The following COL25A1 variants were observed in gnomAD, a reference collection of about 807,000 sequenced individuals.
COL25A1 encodes the protein collagen type XXV alpha 1 chain.
COL25A1 carries 103 observed loss-of-function variants against 128.4 expected under a neutral mutation model. That is an observed-to-expected ratio of 0.80 (90% confidence interval 0.68 to 0.94). The LOEUF (loss-of-function observed/expected upper bound fraction) is 0.94. COL25A1 is among the 40% of genes least tolerant of loss of function. COL25A1 has a pLI of 0.00. For synonymous variants in COL25A1, 279 were observed against 277.2 expected, an observed-to-expected ratio of 1.01 and a Z score of -0.06; for missense variants, 745 against 840.0, an observed-to-expected ratio of 0.89 and a Z score of 1.40.
rs1047841411 is a variant in COL25A1 at position 108,983,528 on chromosome 4, G to A, written c.439-8969C>T. On this transcript the variant is annotated intron_variant, in intron 6 of 37. Coordinates refer to ENST00000399132, the MANE Select transcript of COL25A1 (RefSeq NM_198721.4). ...GTCAGTTGGATTCTTTGCTTCATTTGCAGTAGTATTGTGTCCAGAATTGGT... is the reference window on the plus strand; with the variant it reads ...GTCAGTTGGATTCTTTGCTTCATTTACAGTAGTATTGTGTCCAGAATTGGT... Among the ~76,000 whole-genome samples the A allele has an allele frequency of 2.6e-5, 4 of 152,190 alleles. No homozygotes were observed. The East Asian group carries it at 7.7e-4, about 29-fold the overall frequency.
chr4:108,955,644 T>C (rs1213557871), intron 8 of COL25A1, among the ~76,000 whole-genome samples: 1 of 152,130 alleles, frequency 6.6e-6, no homozygotes, highest in African/African-American at 2.4e-5. Flanking sequence ...TCAGGAGCAC[T>C]TGGGCTCCAT....
At position 108,866,081 on chromosome 4, in the gene COL25A1, ACTTCCCATG is replaced by A. The variant is rs1232056839; in HGVS notation, c.1084-2703_1084-2695del. 7.2e-5 allele frequency among the ~76,000 whole-genome samples: 11 copies of A among 152,324 alleles called. No homozygotes were observed. In the South Asian group the frequency reaches 1.9e-3, roughly 26 times the overall value. ...AATAGAAACTGTTGCTGTTGCATTT[ACTTCCCATG>A]CTTAAATGCAGAAAAATATTTGATC... is the stretch of plus-strand genomic sequence containing the variant. On this transcript the variant is annotated intron_variant, in intron 20 of 37. Transcript: ENST00000399132.
chr4:109,186,204 A>T (rs1775117268), intron 3 of COL25A1, among the ~76,000 whole-genome samples: 1 of 148,610 alleles, frequency 6.7e-6, no homozygotes, highest in African/African-American at 2.5e-5. Context: ...GCTTTAGAGA[A>T]ACGACTCCAA....
At chr4:109,053,671 G>A (rs199639995) in intron 3 of COL25A1, among the ~76,000 whole-genome samples, 2 of 152,276 alleles carry the variant, frequency 1.3e-5, no homozygotes, top group African/African-American at 4.8e-5. Context: ...GAGTTTAAAC[G>A]TAATCTTTCT....
At chr4:109,039,862 A>T (rs1759715115) in intron 5 of COL25A1, among the ~76,000 whole-genome samples, 1 of 152,182 alleles carries the variant, frequency 6.6e-6, no homozygotes, top group Non-Finnish European at 1.5e-5. Flanking sequence ...TCTATATTCC[A>T]TCCTTTTTTC....
At chr4:109,044,233 A>G (rs914527456) in intron 5 of COL25A1, among the ~76,000 whole-genome samples, 1 of 152,112 alleles carries the variant, frequency 6.6e-6, no homozygotes, top group Non-Finnish European at 1.5e-5. Flanking sequence ...TCAAGTTTAA[A>G]TTATAAATGA....
chr4:109,264,912 G>A (rs561865662), intron 3 of COL25A1, among the ~76,000 whole-genome samples: 175 of 152,252 alleles, frequency 1.1e-3, no homozygotes, highest in African/African-American at 4.1e-3. Flanking sequence ...CACCTTTCTT[G>A]AAGGAAGGAA....
rs529306607 is a variant in COL25A1, at chr4:108,902,934, C to T, written c.781-1762G>A. On this transcript the variant is annotated intron_variant, in intron 13 of 37. Transcript: ENST00000399132. ...AAAGACCTATGGAGTCTGCTTGCTT[C>T]AAAGAATCCACAACAGGAAGCACTA... 1.8e-4 allele frequency among the ~76,000 whole-genome samples: 27 copies of T among 152,022 alleles called. No homozygotes were observed. In the South Asian group the frequency reaches 4.6e-3, roughly 26 times the overall value.
chr4:109,093,904 C>CA (rs201316986), intron 3 of COL25A1, among the ~76,000 whole-genome samples: 425 of 141,778 alleles, frequency 3.0e-3, no homozygotes, highest in African/African-American at 7.1e-3. Context: ...TTTCTCACTG[C>CA]AAAAAAAAAA....
At chr4:109,202,931 A>G (rs1001652917) in intron 3 of COL25A1, among the ~76,000 whole-genome samples, 2 of 152,052 alleles carry the variant, frequency 1.3e-5, no homozygotes, top group South Asian at 4.2e-4. Context: ...AGAGGCAGCC[A>G]GGGGAGAGAA....
At chr4:108,864,670 T>C (rs115283930) in intron 20 of COL25A1, among the ~76,000 whole-genome samples, 1,590 of 152,300 alleles carry the variant, frequency 0.01, 15 homozygotes, top group South Asian at 0.03. Flanking sequence ...TGTTGGTATC[T>C]ATTATTGTGG....
chr4:108,977,386 C>G (rs1752536139), intron 6 of COL25A1, among the ~76,000 whole-genome samples: 1 of 152,110 alleles, frequency 6.6e-6, no homozygotes, highest in Non-Finnish European at 1.5e-5. Flanking sequence ...TTATTATTTT[C>G]CATGAATCAA....
chr4:108,911,815 T>C (rs1260526284), intron 13 of COL25A1, among the ~76,000 whole-genome samples: 1 of 151,540 alleles, frequency 6.6e-6, no homozygotes, highest in Admixed American at 6.6e-5. Flanking sequence ...TTTTTTTTTT[T>C]TTTTTGCAAC....
At chr4:109,001,423 A>AACTGAGATCCT in intron 6 of COL25A1, among the ~76,000 whole-genome samples, 2 of 150,570 alleles carry the variant, frequency 1.3e-5, no homozygotes, top group South Asian at 2.1e-4. Flanking sequence ...TCAGGTAGGC[A>AACTGAGATCCT]GTGAGCTAGA....
intron 3 of COL25A1, among the ~76,000 whole-genome samples, chr4:109,118,347 C>T (rs958016899): frequency 2.1e-5 from 3 of 142,920 alleles, no homozygotes; most frequent in Non-Finnish European, 3.0e-5. Context: ...TAAAATAATG[C>T]ATTTTAAACA....
chr4:108,841,292 T>G (rs1734425917), intron 31 of COL25A1, among the ~76,000 whole-genome samples: 1 of 152,086 alleles, frequency 6.6e-6, no homozygotes, highest in Non-Finnish European at 1.5e-5. Context: ...GGCAAAGCAT[T>G]TAGATGAGAT....
chr4:108,939,422 A>C (rs1006921510), intron 10 of COL25A1, among the ~76,000 whole-genome samples: 3 of 152,172 alleles, frequency 2.0e-5, no homozygotes, highest in Non-Finnish European at 4.4e-5. Flanking sequence ...GCTTTCAGAA[A>C]GGGATATGGG....
chr4:108,989,648 T>C (rs1368258160), intron 6 of COL25A1, among the ~76,000 whole-genome samples: 1 of 152,176 alleles, frequency 6.6e-6, no homozygotes, highest in African/African-American at 2.4e-5. Context: ...CCTTAAAGTG[T>C]ATAGGCTAAC....
chr4:108,907,508 C>T (rs761589905), intron 13 of COL25A1, among the ~76,000 whole-genome samples: 20 of 152,210 alleles, frequency 1.3e-4, no homozygotes, highest in Admixed American at 2.6e-4. Flanking sequence ...TCATCATTTA[C>T]TCCATGAACT....
Sources: allele counts gnomAD v4.1 joint callset (sites outside exome capture counted in the v4.1 genomes callset), GRCh38; gene constraint gnomAD v4.1.1; transcripts MANE v1.5; gene names NCBI Gene and HGNC (gene_info 2026-07-23, HGNC 2026-07-21).